Variants in ABCA12 observed in about 807,000 individuals in gnomAD.
ABCA12 encodes glucosylceramide transporter ABCA12.
A neutral mutation model predicts 293.5 loss-of-function variants in ABCA12; 156 were observed. The observed-to-expected ratio is 0.53, with a 90% CI of 0.47 to 0.61. The LOEUF (loss-of-function observed/expected upper bound fraction) is 0.61. ABCA12 is among the 20% of genes least tolerant of loss of function. The pLI is 0.00. For missense variants in ABCA12, 2,797 were observed against 3,090.2 expected, an observed-to-expected ratio of 0.91 and a Z score of 2.25; for synonymous variants, 1,063 against 1,108.0, an observed-to-expected ratio of 0.96 and a Z score of 0.81.
At chr2:215,100,039 G>C (rs1702325133) in intron 2 of ABCA12, among the ~76,000 whole-genome samples, 1 of 149,696 alleles carries the variant, frequency 6.7e-6, no homozygotes, top group Non-Finnish European at 1.5e-5. Context: ...TAAGAAACAG[G>C]GTCTTACTCT....
intron 46 of ABCA12, 28 bp from the exon 47 acceptor site, chr2:214,948,765 T>C: frequency 6.2e-7 from 1 of 1,613,780 alleles, no homozygotes. Flanking sequence ...AAAACACAGA[T>C]GAATTTCAAA....
At chr2:215,027,818 G>A (rs1380370268) in intron 9 of ABCA12, among the ~76,000 whole-genome samples, 2 of 152,092 alleles carry the variant, frequency 1.3e-5, no homozygotes, top group African/African-American at 4.8e-5. Flanking sequence ...TTGAATTAAT[G>A]GGATCCCATT....
At chr2:215,060,168 A>G (rs1019447958) in intron 3 of ABCA12, among the ~76,000 whole-genome samples, 1 of 152,046 alleles carries the variant, frequency 6.6e-6, no homozygotes, top group Non-Finnish European at 1.5e-5. Flanking sequence ...TTAAACAGAC[A>G]TTCATTACAT....
At position 214,995,678 on chromosome 2, in the gene ABCA12, G is replaced by T. The variant is rs75333231; in HGVS notation, c.3294+2017C>A. Among the ~76,000 whole-genome samples, 737 of 152,104 alleles carry T rather than the reference G, an allele frequency of 4.8e-3. 8 individuals are homozygous for T. The highest frequency in any genetic ancestry group is 0.016 in the African/African-American group (684 of 41,500). On this transcript the variant is annotated intron_variant, in intron 23 of 52. Transcript: ENST00000272895. The stretch of plus-strand genomic sequence containing the variant: ...ACTAGGGACATCCCACTCCTTCCAC[G>T]CTCACCTCCATCAATTCATTTCATA...
intron 1 of ABCA12, among the ~76,000 whole-genome samples, chr2:215,122,203 G>C (rs1345159965): frequency 6.6e-6 from 1 of 152,088 alleles, no homozygotes; most frequent in Non-Finnish European, 1.5e-5. Flanking sequence ...ACTTTTTAAT[G>C]GTTGACTACA....
intron 39 of ABCA12, among the ~76,000 whole-genome samples, chr2:214,966,566 T>C (rs1434666092): frequency 6.6e-6 from 1 of 152,218 alleles, no homozygotes; most frequent in Non-Finnish European, 1.5e-5. Flanking sequence ...AAAAATATTT[T>C]TCTATAAGCT....
At chr2:215,130,329 C>A (rs1703026643) in intron 1 of ABCA12, among the ~76,000 whole-genome samples, 1 of 151,894 alleles carries the variant, frequency 6.6e-6, no homozygotes, top group South Asian at 2.1e-4. Flanking sequence ...GTCATTTTAA[C>A]AATATTGACT....
intron 39 of ABCA12, among the ~76,000 whole-genome samples, chr2:214,966,069 G>A (rs1336473291): frequency 1.3e-5 from 2 of 152,192 alleles, no homozygotes; most frequent in African/African-American, 4.8e-5. Context: ...AAAGGAACGA[G>A]ATCATGTCCT....
At position 214,948,754 on chromosome 2, in the gene ABCA12, A is replaced by C; in HGVS notation, c.6963-17T>G. ...CCCAGAGATCTGAATTGAGAGAATC[A>C]AAAACACAGATGAATTTCAAAAGAT... On this transcript the variant is annotated splice_polypyrimidine_tract_variant and intron_variant, in intron 46 of 52. Transcript: ENST00000272895. 1.9e-6 allele frequency: 3 copies of C among 1,613,962 alleles called. No individual in the cohort carries two copies. The highest frequency in any genetic ancestry group is 2.5e-6 in the Non-Finnish European group (3 of 1,179,902).
rs755268830 is a variant in ABCA12 at position 215,111,741 on chromosome 2, T to C, written c.70-51A>G. On this transcript the variant is annotated intron_variant, in intron 1 of 52. Transcript: ENST00000272895. ...GTTAGTTTTATTGTTGAACCAAAGA[T>C]TTTTAAAACCTGACTACAAAAAGTA... 55 of 1,381,006 alleles carry C rather than the reference T, an allele frequency of 4.0e-5. 1 individual carries two copies. The highest frequency in any genetic ancestry group is 5.6e-5 in the Non-Finnish European group (54 of 970,582). 85.5% of individuals were successfully genotyped at this position (1,381,006 alleles called of 1,614,324 possible).
intron 14 of ABCA12, among the ~76,000 whole-genome samples, chr2:215,016,322 G>A (rs976660005): frequency 1.3e-5 from 2 of 150,862 alleles, no homozygotes; most frequent in Admixed American, 6.6e-5. Context: ...GGTGGCTCAC[G>A]CCTCTAATCC....
At chr2:215,104,863 A>G (rs948826190) in intron 2 of ABCA12, among the ~76,000 whole-genome samples, 1 of 151,996 alleles carries the variant, frequency 6.6e-6, no homozygotes, top group Non-Finnish European at 1.5e-5. Flanking sequence ...CTTTATATTC[A>G]TTTTCTTTCC....
At chr2:215,068,051 C>G (rs1250004417) in intron 2 of ABCA12, among the ~76,000 whole-genome samples, 3 of 152,098 alleles carry the variant, frequency 2.0e-5, no homozygotes, top group Admixed American at 6.6e-5. Context: ...CCTTTCCTCT[C>G]AAAAGAATCT....
chr2:215,099,774 G>T lies in ABCA12; in HGVS notation c.163+11823C>A, dbSNP rs141386600. The stretch of plus-strand genomic sequence containing the variant: ...TGTTGTTGCCACTAAGTTTTGAGGG[G>T]CAATTTGTTATAGAGCAACAGATAA... On this transcript the variant is annotated intron_variant, in intron 2 of 52. Transcript: ENST00000272895. Among the ~76,000 whole-genome samples the T allele has an allele frequency of 8.7e-3, 1,318 of 152,110 alleles. 12 individuals carry two copies. The highest frequency in any genetic ancestry group is 0.015 in the Non-Finnish European group (1,051 of 67,984).
chr2:214,956,177 C>A (rs1021736509), intron 42 of ABCA12, among the ~76,000 whole-genome samples: 20 of 152,236 alleles, frequency 1.3e-4, no homozygotes, highest in African/African-American at 4.1e-4. Context: ...TTATGCTAAG[C>A]ATTGATTATA....
chr2:214,954,371 C>T (rs1031863045), intron 43 of ABCA12, among the ~76,000 whole-genome samples: 3 of 152,076 alleles, frequency 2.0e-5, no homozygotes, highest in African/African-American at 7.2e-5. Flanking sequence ...TATTTCTAGA[C>T]CTACCTTTAA....
chr2:214,975,485 G>C (rs1395153300), intron 34 of ABCA12, among the ~76,000 whole-genome samples: 2 of 152,080 alleles, frequency 1.3e-5, no homozygotes, highest in Non-Finnish European at 2.9e-5. Flanking sequence ...GTTATTTGCT[G>C]TATATTACAA....
At chr2:214,957,777 T>C (rs901230740) in intron 41 of ABCA12, among the ~76,000 whole-genome samples, 3 of 152,232 alleles carry the variant, frequency 2.0e-5, no homozygotes, top group Admixed American at 6.5e-5. Flanking sequence ...ATCCCTTCTT[T>C]TTCCTACTAA....
chr2:215,114,904 A>G (rs1447091651), intron 1 of ABCA12, among the ~76,000 whole-genome samples: 1 of 152,188 alleles, frequency 6.6e-6, no homozygotes. Context: ...TTCATTTTCT[A>G]TGGCAACTTC....
Sources: allele counts gnomAD v4.1 joint callset (sites outside exome capture counted in the v4.1 genomes callset), GRCh38; gene constraint gnomAD v4.1.1; transcripts MANE v1.5; gene names NCBI Gene and HGNC (gene_info 2026-07-23, HGNC 2026-07-21).